Variants in C19orf44 observed in about 807,000 individuals in gnomAD.
C19orf44 encodes chromosome 19 open reading frame 44.
C19orf44 carries 43 observed loss-of-function variants against 50.7 expected under a neutral mutation model. The ratio of observed to expected loss-of-function variants is 0.85; its 90% CI spans 0.66 to 1.09. C19orf44 has a LOEUF of 1.09. Among genes scored for constraint, C19orf44 ranks in the 50% least tolerant of loss-of-function variants. The pLI is 0.00. For synonymous variants in C19orf44, 298 were observed against 334.7 expected (o/e 0.89, Z 1.20); for missense variants, 722 against 836.2 (o/e 0.86, Z 1.68).
At chr19:16,503,710 G>A (rs1000067722) in intron 3 of C19orf44, among the ~76,000 whole-genome samples, 26 of 152,262 alleles carry the variant, frequency 1.7e-4, no homozygotes, top group African/African-American at 5.1e-4. Flanking sequence ...GACCACAAGC[G>A]TGTGCCACCA....
chr19:16,498,551 T>A (rs926100225), intron 1 of C19orf44, among the ~76,000 whole-genome samples: 1 of 152,190 alleles, frequency 6.6e-6, no homozygotes, highest in African/African-American at 2.4e-5. Flanking sequence ...CCCACAGTGC[T>A]GGGATTACAG....
In C19orf44 at chr19:16,505,370, C is replaced by T. The variant is rs368075209; in HGVS notation, c.1076-1331C>T. On this transcript the variant is annotated intron_variant, in intron 3 of 8. Transcript: ENST00000221671. The stretch of plus-strand genomic sequence containing the variant: ...CTGGGATTACAGGCTCTTGCCACCA[C>T]GCCCAGCTAATTTTTCTATTTTTAG... Among the ~76,000 whole-genome samples the T allele has an allele frequency of 1.2e-3, 175 of 151,982 alleles. 1 individual carries two copies. The highest frequency in any genetic ancestry group is 4.1e-3 in the African/African-American group (168 of 41,454).
chr19:16,520,962 G>A lies in C19orf44; in HGVS notation c.*909G>A. On this transcript the variant is annotated 3_prime_UTR_variant, in exon 9 of 9. Transcript: ENST00000221671. The surrounding 1 kb of genome is among the most constrained non-coding windows in gnomAD (Gnocchi z 4.0). ...TGACCACGTGACACCCACCCACAAG[G>A]AAGTCGTGAAAAAGTCATCAGGAGT... 2.0e-6 allele frequency: 3 copies of A among 1,525,448 alleles called. No individual in the cohort carries two copies. Among genetic ancestry groups the A allele is most frequent in the South Asian group, 1.1e-5 (1 of 89,306 alleles). The allele number at this position is 1,525,448 out of a possible 1,614,324, so 94.5% of individuals were successfully genotyped here. A position where few individuals can be genotyped will look rare whatever the true frequency, so the allele number is the denominator to read the frequency against.
At chr19:16,517,052 CCT>C (rs1268521389) in intron 7 of C19orf44, among the ~76,000 whole-genome samples, 176 bp from the exon 8 acceptor site, 2 of 152,344 alleles carry the variant, frequency 1.3e-5, no homozygotes, top group African/African-American at 2.4e-5. Flanking sequence ...GACCCTCTAC[CCT>C]GTGTTCCCAC....
Position 16,513,099 on chromosome 19 carries a change from T to TG in C19orf44, c.1726dup (p.Ala576GlyfsTer17). 1 of 1,613,888 alleles carries TG rather than the reference T, an allele frequency of 6.2e-7. No individual in the cohort carries two copies. The highest frequency in any genetic ancestry group is 8.5e-7 in the Non-Finnish European group (1 of 1,180,000). On this transcript the variant is annotated frameshift_variant, in exon 6 of 9. Transcript: ENST00000221671. LOFTEE classifies it high-confidence loss of function. The stretch of plus-strand genomic sequence containing the variant: ...TCGCCAATCATGTTATCAGTGCAGA[T>TG]GCAATAGAAGGTAACAGCCCGGCTC...
At chr19:16,518,929 G>C in intron 8 of C19orf44, 1 of 563,924 alleles carries the variant, frequency 1.8e-6, no homozygotes, top group East Asian at 3.1e-5. Context: ...TGGGGCCCTG[G>C]TGGCTGCAGC....
At chr19:16,496,763 C>T (rs1599724779) in intron 1 of C19orf44, 1 of 152,870 alleles carries the variant, frequency 6.5e-6, no homozygotes, top group African/African-American at 2.4e-5. Flanking sequence ...TTTAAGCTGA[C>T]GACTCCGTTA....
intron 6 of C19orf44, among the ~76,000 whole-genome samples, chr19:16,514,291 C>T (rs2093465472): frequency 6.6e-6 from 1 of 151,868 alleles, no homozygotes; most frequent in Non-Finnish European, 1.5e-5. Context: ...CAGGTGTGAG[C>T]CACTGTTGCT....
rs1443565695 is a variant in C19orf44 at position 16,520,782 on chromosome 19, G to A, written c.*729G>A. 3.2e-6 allele frequency: 5 copies of A among 1,574,974 alleles called. No individual in the cohort carries two copies. The African/African-American group carries it at 4.0e-5, about 13-fold the overall frequency. On this transcript the variant is annotated 3_prime_UTR_variant, in exon 9 of 9. Transcript: ENST00000221671. The surrounding 1 kb of genome is among the most constrained non-coding windows in gnomAD (Gnocchi z 4.0). ...GGTCTGCTCCCACCCATCACAAGCTGTGGACCCTGGCCCCCCGGCCACTGC... is the reference window on the plus strand; with the variant it reads ...GGTCTGCTCCCACCCATCACAAGCTATGGACCCTGGCCCCCCGGCCACTGC...
At chr19:16,504,611 T>TTTG (rs1180614839) in intron 3 of C19orf44, among the ~76,000 whole-genome samples, 3 of 151,792 alleles carry the variant, frequency 2.0e-5, no homozygotes, top group African/African-American at 7.3e-5. Context: ...CTGTTTTTTT[T>TTTG]TTTGTTTGTT....
intron 1 of C19orf44, among the ~76,000 whole-genome samples, chr19:16,497,585 G>T (rs768879265): frequency 6.6e-6 from 1 of 151,958 alleles, no homozygotes; most frequent in African/African-American, 2.4e-5. Flanking sequence ...TCCTGACCTC[G>T]TGATCCGCCC....
chr19:16,507,834 CGCTCTGCT>C (rs2093444833), intron 4 of C19orf44, among the ~76,000 whole-genome samples: 2 of 151,186 alleles, frequency 1.3e-5, no homozygotes, highest in African/African-American at 4.9e-5. Flanking sequence ...GACAGAGTCT[CGCTCTGCT>C]GCCCAGGCTG....
chr19:16,509,436 T>C, intron 4 of C19orf44, 63 bp from the exon 5 acceptor site: 1 of 1,517,142 alleles, frequency 6.6e-7, no homozygotes, highest in African/African-American at 1.4e-5. Context: ...AGGAGTGCAG[T>C]GTTCCTAGCA....
chr19:16,506,881 G>C, intron 4 of C19orf44, 107 bp downstream of exon 4: 2 of 759,306 alleles, frequency 2.6e-6, no homozygotes, highest in Non-Finnish European at 4.2e-6. Flanking sequence ...TCACTATGTT[G>C]CCCAGGCCGT....
intron 5 of C19orf44, 67 bp from the exon 6 acceptor site, chr19:16,512,946 TA>T: frequency 7.6e-7 from 1 of 1,317,186 alleles, no homozygotes. Flanking sequence ...TCCAGGGTCG[TA>T]TCTGTGGACC....
chr19:16,520,941 C>T lies in C19orf44; in HGVS notation c.*888C>T. 2.5e-6 allele frequency: 4 copies of T among 1,576,360 alleles called. No individual in the cohort carries two copies. Among genetic ancestry groups the T allele is most frequent in the Non-Finnish European group, 2.6e-6 (3 of 1,146,680 alleles). ...TAAGACACGGCATTCCGTGTGTGAC[C>T]ACGTGACACCCACCCACAAGGAAGT... On this transcript the variant is annotated 3_prime_UTR_variant, in exon 9 of 9. Coordinates refer to ENST00000221671, the MANE Select transcript of C19orf44 (RefSeq NM_032207.4). The surrounding 1 kb of genome is among the most constrained non-coding windows in gnomAD (Gnocchi z 4.0).
chr19:16,517,530 C>G (rs1276918887), intron 8 of C19orf44, among the ~76,000 whole-genome samples, 189 bp downstream of exon 8: 1 of 152,210 alleles, frequency 6.6e-6, no homozygotes, highest in African/African-American at 2.4e-5. Context: ...CCAGACTCCT[C>G]TGAGCCAAAT....
chr19:16,502,190 G>A (rs997054717), intron 2 of C19orf44, among the ~76,000 whole-genome samples: 4 of 150,736 alleles, frequency 2.7e-5, no homozygotes, highest in Admixed American at 2.0e-4. Flanking sequence ...GATTACAGGT[G>A]TGAGCCAGTG....
chr19:16,509,825 C>G lies in C19orf44; in HGVS notation c.1476C>G (p.Asp492Glu), dbSNP rs1479133855. ...EPTAHSKESL[D>E]RTLDALSESS... ...CCGCCCATTCCAAGGAGTCTCTTGACAGAACACTGGACGCTTTGTCTGAAT... is the reference window on the plus strand; with the variant it reads ...CCGCCCATTCCAAGGAGTCTCTTGAGAGAACACTGGACGCTTTGTCTGAAT... The change falls in exon 5 of 9, where the codon GAC (aspartate) becomes GAG (glutamate). Residue 492 changes from aspartate to glutamate, a missense_variant. Transcript: ENST00000221671. 2.5e-6 allele frequency: 4 copies of G among 1,614,246 alleles called. No individual in the cohort carries two copies. The highest frequency in any genetic ancestry group is 2.5e-6 in the Non-Finnish European group (3 of 1,180,044).
Sources: allele counts gnomAD v4.1 joint callset (sites outside exome capture counted in the v4.1 genomes callset), GRCh38; gene constraint gnomAD v4.1.1; non-coding constraint Gnocchi (gnomAD v3.1); transcripts MANE v1.5; gene names NCBI Gene and HGNC (gene_info 2026-07-23, HGNC 2026-07-21).